The following L3MBTL4 variants were observed in gnomAD, a reference collection of about 807,000 sequenced individuals.
The protein encoded by L3MBTL4 is L3MBTL histone methyl-lysine binding protein 4.
L3MBTL4 carries 70 observed loss-of-function variants against 84.5 expected under a neutral mutation model. That is an observed-to-expected ratio of 0.83 (90% confidence interval 0.68 to 1.01). The LOEUF (loss-of-function observed/expected upper bound fraction) is 1.01. Ranked by LOEUF, L3MBTL4 falls within the 50% of genes least tolerant of loss-of-function variation. The probability of loss-of-function intolerance (pLI) is 0.00; values close to 1 mark genes in which losing one functional copy is unlikely to be tolerated. For missense variants in L3MBTL4, 715 were observed against 754.8 expected (o/e 0.95, Z 0.62); for synonymous variants, 274 against 259.8 (o/e 1.05, Z -0.52).
At chr18:6,319,403 C>A (rs8095690) in intron 1 of L3MBTL4, among the ~76,000 whole-genome samples, 13,373 of 151,656 alleles carry the variant, frequency 0.088, 1,827 homozygotes, top group African/African-American at 0.3. Context: ...AAATAAAATA[C>A]AATAAAAAGA....
At chr18:6,200,262 A>C (rs952093825) in intron 12 of L3MBTL4, among the ~76,000 whole-genome samples, 2 of 152,228 alleles carry the variant, frequency 1.3e-5, no homozygotes, top group African/African-American at 4.8e-5. Context: ...GGGATTTTTC[A>C]TGTATTAAAA....
chr18:6,177,910 C>T (rs1172204094), intron 12 of L3MBTL4, among the ~76,000 whole-genome samples: 2 of 152,188 alleles, frequency 1.3e-5, no homozygotes, highest in African/African-American at 4.8e-5. Flanking sequence ...AATTTCAATG[C>T]CCTTCCCCTT....
chr18:6,063,650 CTTCTT>C (rs968449014), intron 16 of L3MBTL4, among the ~76,000 whole-genome samples: 1 of 123,774 alleles, frequency 8.1e-6, no homozygotes, highest in African/African-American at 3.4e-5. Flanking sequence ...GTTTGTATGT[CTTCTT>C]TTGAGAAATG....
chr18:6,013,644 T>G (rs2054834527), intron 16 of L3MBTL4, among the ~76,000 whole-genome samples: 1 of 152,242 alleles, frequency 6.6e-6, no homozygotes, highest in Admixed American at 6.5e-5. Flanking sequence ...CCATCTGCTC[T>G]TGAAGTACTG....
At chr18:6,069,991 G>A (rs1278051147) in intron 16 of L3MBTL4, among the ~76,000 whole-genome samples, 18 of 152,072 alleles carry the variant, frequency 1.2e-4, no homozygotes, top group Non-Finnish European at 2.4e-4. Context: ...CTTGAAAATA[G>A]GCCACTAGAA....
chr18:6,080,891 A>G lies in L3MBTL4; in HGVS notation c.1434T>C (p.Asn478=). The G allele has an allele frequency of 6.2e-7, 1 of 1,606,194 alleles. No homozygotes were observed. The highest frequency in any genetic ancestry group is 8.5e-7 in the Non-Finnish European group (1 of 1,175,980). Reference sequence around the variant, plus strand: ...TGTTTTTGTTTTTACCTCTGAAGAGATTATCCAAGTCAATATCTTCTTTTC... The same window carrying G: ...TGTTTTTGTTTTTACCTCTGAAGAGGTTATCCAAGTCAATATCTTCTTTTC... The part of the protein sequence containing the change: ...IKGKEDIDLD[N]LFREYSVEQA... Residue 478 remains asparagine, a synonymous_variant, in exon 16 of 19, where the codon AAT becomes AAC. Coordinates refer to ENST00000317931, the MANE Select transcript of L3MBTL4 (RefSeq NM_001330559.2).
rs55730900 is a variant in L3MBTL4, at chr18:5,955,798, C to A, written c.*422G>T. 1 of 153,992 alleles carries A rather than the reference C, an allele frequency of 6.5e-6. No homozygotes were observed. The highest frequency in any genetic ancestry group is 2.4e-5 in the African/African-American group (1 of 41,468). The allele number at this position is 153,992 out of a possible 1,614,324, so 9.5% of individuals were successfully genotyped here. A position where few individuals can be genotyped will look rare whatever the true frequency, so the allele number is the denominator to read the frequency against. ...CTCCATGGCAGATCTGAGCCAAGCT[C>A]GATGTTGCTCTGGTAAAAACATTAA... On this transcript the variant is annotated 3_prime_UTR_variant, in exon 19 of 19. Coordinates refer to ENST00000317931, the MANE Select transcript of L3MBTL4 (RefSeq NM_001330559.2).
chr18:6,345,805 C>T (rs117162027), intron 1 of L3MBTL4, among the ~76,000 whole-genome samples: 1 of 152,070 alleles, frequency 6.6e-6, no homozygotes, highest in Non-Finnish European at 1.5e-5. Flanking sequence ...GCATTTTTCA[C>T]AGAAATAGGA....
chr18:6,332,876 A>C (rs1393352576), intron 1 of L3MBTL4, among the ~76,000 whole-genome samples: 1 of 152,258 alleles, frequency 6.6e-6, no homozygotes, highest in Non-Finnish European at 1.5e-5. Flanking sequence ...AGAAAGCAGC[A>C]GTAGCAGTAG....
intron 1 of L3MBTL4, among the ~76,000 whole-genome samples, chr18:6,403,928 G>A (rs1198899358): frequency 6.6e-6 from 1 of 152,216 alleles, no homozygotes; most frequent in Non-Finnish European, 1.5e-5. Context: ...AAAAGAAAAT[G>A]AAATAATGGG....
chr18:6,177,311 A>G (rs11873612), intron 12 of L3MBTL4, among the ~76,000 whole-genome samples: 2,655 of 152,346 alleles, frequency 0.017, 78 homozygotes, highest in African/African-American at 0.061. Flanking sequence ...AACTGTTTAC[A>G]CATGCATGAA....
chr18:6,060,749 T>C (rs1056601802), intron 16 of L3MBTL4, among the ~76,000 whole-genome samples: 1 of 152,178 alleles, frequency 6.6e-6, no homozygotes, highest in Non-Finnish European at 1.5e-5. Flanking sequence ...TTGCATAGGC[T>C]TGGAATTATG....
At position 6,008,175 on chromosome 18, in the gene L3MBTL4, T is replaced by A. The variant is rs748150217; in HGVS notation, c.1445-38613A>T. ...AATGGTAAGTGGCCACGGGGATCTA[T>A]CCTTGCAGAGTGAGAATGGGAGACC... On this transcript the variant is annotated intron_variant, in intron 16 of 18. Coordinates refer to ENST00000317931, the MANE Select transcript of L3MBTL4 (RefSeq NM_001330559.2). Among the ~76,000 whole-genome samples, 10 of 152,274 alleles carry A rather than the reference T, an allele frequency of 6.6e-5. 1 individual carries two copies. The Middle Eastern group carries it at 0.01, about 155-fold the overall frequency.
chr18:6,204,418 C>T (rs532423541), intron 12 of L3MBTL4, among the ~76,000 whole-genome samples: 9 of 152,290 alleles, frequency 5.9e-5, no homozygotes, highest in African/African-American at 1.9e-4. Flanking sequence ...CTCCAGCAGC[C>T]GTGTAACTCC....
chr18:6,018,653 G>C (rs2055109818), intron 16 of L3MBTL4, among the ~76,000 whole-genome samples: 1 of 152,194 alleles, frequency 6.6e-6, no homozygotes, highest in South Asian at 2.1e-4. Context: ...AATTCTGAGG[G>C]CCAGTTGGAA....
intron 16 of L3MBTL4, among the ~76,000 whole-genome samples, chr18:6,035,536 G>A (rs2056088023): frequency 6.6e-6 from 1 of 152,088 alleles, no homozygotes; most frequent in Non-Finnish European, 1.5e-5. Context: ...GTACCATGCT[G>A]TTTTGGTTAC....
At chr18:5,994,971 T>G (rs1206044732) in intron 16 of L3MBTL4, among the ~76,000 whole-genome samples, 1 of 152,270 alleles carries the variant, frequency 6.6e-6, no homozygotes, top group African/African-American at 2.4e-5. Context: ...GCCTCCCTTT[T>G]GTTCATCATT....
chr18:6,336,412 C>T (rs910835467), intron 1 of L3MBTL4, among the ~76,000 whole-genome samples: 19 of 152,254 alleles, frequency 1.2e-4, no homozygotes, highest in Admixed American at 1.1e-3. Flanking sequence ...AAGAGTGTTA[C>T]TCTAATATTT....
chr18:6,337,521 C>T (rs2052400363), intron 1 of L3MBTL4, among the ~76,000 whole-genome samples: 1 of 151,988 alleles, frequency 6.6e-6, no homozygotes, highest in African/African-American at 2.4e-5. Context: ...CCATATAATG[C>T]TATTTATATA....
Sources: gnomAD v4.1 joint callset for allele counts (sites outside exome capture counted in the v4.1 genomes callset) on GRCh38, gnomAD v4.1.1 for gene constraint, MANE v1.5 for transcripts, NCBI Gene and HGNC (gene_info 2026-07-23, HGNC 2026-07-21) for gene names.